The following FAM237B variants were observed in gnomAD, a reference collection of about 807,000 sequenced individuals.
The protein encoded by FAM237B is family with sequence similarity 237 member B.
intron 2 of FAM237B, 71 bp from the exon 3 acceptor site, chr7:90,319,822 A>G (rs1242568170): frequency 2.5e-6 from 1 of 397,630 alleles, no homozygotes; most frequent in Non-Finnish European, 4.4e-6. Context: ...GATCTAAAAA[A>G]CTGTAAGTAC....
At chr7:90,320,094 G>A (rs1165513221) in intron 2 of FAM237B, among the ~76,000 whole-genome samples, 1 of 152,114 alleles carries the variant, frequency 6.6e-6, no homozygotes, top group East Asian at 1.9e-4. Flanking sequence ...ATACGGTTCC[G>A]CAAGTCTTCA....
Position 90,319,387 on chromosome 7 carries a change from T to A in FAM237B, c.362A>T (p.Lys121Ile). Residue 121 changes from lysine (K) to isoleucine (I), a missense_variant, in exon 3 of 3, where the codon AAA (lysine) becomes ATA (isoleucine). By Grantham distance (102) the Lys-to-Ile change is moderately radical. Transcript: ENST00000692316. Reference protein sequence around the residue: ...GMGRRQVMPPKYNFPQKITGG... With the variant: ...GMGRRQVMPPIYNFPQKITGG... ...TGTTATTTTCTGTGGAAAATTATAT[T>A]TGGGGGGCATCACCTGTCTTCTGCC... 1 of 398,592 alleles carries A rather than the reference T, an allele frequency of 2.5e-6. No homozygotes were observed. The highest frequency in any genetic ancestry group is 4.4e-6 in the Non-Finnish European group (1 of 226,038). 24.7% of individuals were successfully genotyped at this position (398,592 alleles called of 1,614,324 possible).
At position 90,320,693 on chromosome 7, in the gene FAM237B, A is replaced by C. The variant is rs180940777; in HGVS notation, c.-16T>G. ...ACACAGGACTCACCTTTCCCCCCGT[A>C]CACAGCCGTCTGCCACCTCCCTAAA... On this transcript the variant is annotated 5_prime_UTR_variant, in exon 2 of 3. Coordinates refer to ENST00000692316, the MANE Select transcript of FAM237B (RefSeq NM_001384237.2). 1 of 152,488 alleles carries C rather than the reference A, an allele frequency of 6.6e-6. No homozygotes were observed. The highest frequency in any genetic ancestry group is 1.9e-4 in the East Asian group (1 of 5,186). The allele number at this position is 152,488 out of a possible 1,614,324, so 9.4% of individuals were successfully genotyped here.
In FAM237B at chr7:90,318,303, C is replaced by T. The variant is rs565040105; in HGVS notation, c.*1026G>A. On this transcript the variant is annotated 3_prime_UTR_variant, in exon 3 of 3. Coordinates refer to ENST00000692316, the MANE Select transcript of FAM237B (RefSeq NM_001384237.2). ...GCAATATAAAAAATAACTCAGCTAA[C>T]ACAAAAATTCTATCAAATTGTACTT... The T allele has an allele frequency of 1.4e-3, 218 of 151,488 alleles. No homozygotes were observed. Among genetic ancestry groups the T allele is most frequent in the African/African-American group, 5.0e-3 (207 of 41,274 alleles). The allele number at this position is 151,488 out of a possible 1,614,324, so 9.4% of individuals were successfully genotyped here. A position where few individuals can be genotyped will look rare whatever the true frequency, so the allele number is the denominator to read the frequency against.
Position 90,318,297 on chromosome 7 carries a change from A to G in FAM237B, c.*1032T>C, listed in dbSNP as rs769003192. 2.6e-5 allele frequency: 4 copies of G among 152,112 alleles called. No individual in the cohort carries two copies. Among genetic ancestry groups the G allele is most frequent in the Admixed American group, 2.6e-4 (4 of 15,276 alleles). The allele number at this position is 152,112 out of a possible 1,614,324, so 9.4% of individuals were successfully genotyped here. On this transcript the variant is annotated 3_prime_UTR_variant, in exon 3 of 3. Transcript: ENST00000692316. ...AAATAGGCAATATAAAAAATAACTC[A>G]GCTAACACAAAAATTCTATCAAATT... is the stretch of plus-strand genomic sequence containing the variant.
At position 90,319,249 on chromosome 7, in the gene FAM237B, AT is replaced by A; in HGVS notation, c.*79del. ...ATCATTTTAGGGAAAAAAACTAAAT[AT>A]GGTAAATTTGCTACCTTGTTGGATA... On this transcript the variant is annotated 3_prime_UTR_variant, in exon 3 of 3. Coordinates refer to ENST00000692316, the MANE Select transcript of FAM237B (RefSeq NM_001384237.2). 5.0e-6 allele frequency: 2 copies of A among 397,612 alleles called. No homozygotes were observed. Among genetic ancestry groups the A allele is most frequent in the Non-Finnish European group, 8.9e-6 (2 of 225,738 alleles). The allele number at this position is 397,612 out of a possible 1,614,324, so 24.6% of individuals were successfully genotyped here.
Position 90,319,455 on chromosome 7 carries a change from C to T in FAM237B, c.294G>A (p.Trp98Ter). The change falls in exon 3 of 3, where the codon TGG (tryptophan) becomes TGA (stop). Residue 98 changes from tryptophan to a stop codon, truncating the protein, a stop_gained. Coordinates refer to ENST00000692316, the MANE Select transcript of FAM237B (RefSeq NM_001384237.2). LOFTEE classifies it high-confidence loss of function. ...AAAGCAAGCAGTCTACATACATGTC[C>T]CAGAAATCCTGAGCTATGTTTAAGA... ...NVFLNIAQDF[W>*]DMYVDCLLSR... is the part of the protein sequence containing the mutation. 2.5e-6 allele frequency: 1 copy of T among 398,554 alleles called. No homozygotes were observed. The highest frequency in any genetic ancestry group is 4.4e-6 in the Non-Finnish European group (1 of 226,050). 24.7% of individuals were successfully genotyped at this position (398,554 alleles called of 1,614,324 possible).
rs17865072 is a variant in FAM237B, at chr7:90,318,104, T to A, written c.*1225A>T. The A allele has an allele frequency of 6.6e-6, 1 of 152,200 alleles. No homozygotes were observed. The highest frequency in any genetic ancestry group is 1.9e-4 in the East Asian group (1 of 5,194). The allele number at this position is 152,200 out of a possible 1,614,324, so 9.4% of individuals were successfully genotyped here. ...GGCACCCTTTATCAAAGGTATAGGC[T>A]TTTACGACATGCATTCAAAAAGTAT... On this transcript the variant is annotated 3_prime_UTR_variant, in exon 3 of 3. Coordinates refer to ENST00000692316, the MANE Select transcript of FAM237B (RefSeq NM_001384237.2).
intron 2 of FAM237B, chr7:90,320,391 T>A (rs373659080): frequency 6.6e-6 from 1 of 152,350 alleles, no homozygotes; most frequent in African/African-American, 2.4e-5. Flanking sequence ...TAGACATACA[T>A]GAAGTGGCAC....
In FAM237B at chr7:90,319,063, A is replaced by G. The variant is rs1224417939; in HGVS notation, c.*266T>C. 7.6e-6 allele frequency: 2 copies of G among 261,710 alleles called. No homozygotes were observed. Among genetic ancestry groups the G allele is most frequent in the African/African-American group, 4.4e-5 (2 of 45,686 alleles). The allele number at this position is 261,710 out of a possible 1,614,324, so 16.2% of individuals were successfully genotyped here. ...TTCAACAAATGTAATATGAATAATTACAGGGTTAAATGGCTTTCTTATGAA... is the reference window on the plus strand; with the variant it reads ...TTCAACAAATGTAATATGAATAATTGCAGGGTTAAATGGCTTTCTTATGAA... On this transcript the variant is annotated 3_prime_UTR_variant, in exon 3 of 3. Coordinates refer to ENST00000692316, the MANE Select transcript of FAM237B (RefSeq NM_001384237.2).
chr7:90,319,200 G>A lies in FAM237B; in HGVS notation c.*129C>T, dbSNP rs1795086528. 5.1e-6 allele frequency: 2 copies of A among 389,654 alleles called. No homozygotes were observed. Among genetic ancestry groups the A allele is most frequent in the African/African-American group, 2.1e-5 (1 of 48,346 alleles). The allele number at this position is 389,654 out of a possible 1,614,324, so 24.1% of individuals were successfully genotyped here. ...GTGTGGTTTGTAAATAATGTAAAAT[G>A]AGTAAAAATGAGAATCAAAACCTAT... On this transcript the variant is annotated 3_prime_UTR_variant, in exon 3 of 3. Transcript: ENST00000692316.
chr7:90,319,599 T>C lies in FAM237B; in HGVS notation c.150A>G (p.Lys50=), dbSNP rs1231402094. ...ITKDIDLQCW[K]ACSLTLIDLK... ...GATCTATCAATGTCAAAGAGCAAGC[T>C]TTCCAGCACTGGAGATCAATGTCTT... The change falls in exon 3 of 3, where the codon AAA becomes AAG. Residue 50 remains lysine (K), a synonymous_variant. Coordinates refer to ENST00000692316, the MANE Select transcript of FAM237B (RefSeq NM_001384237.2). 2.5e-6 allele frequency: 1 copy of C among 398,498 alleles called. No individual in the cohort carries two copies. The highest frequency in any genetic ancestry group is 2.1e-5 in the African/African-American group (1 of 48,638). 24.7% of individuals were successfully genotyped at this position (398,498 alleles called of 1,614,324 possible). A position where few individuals can be genotyped will look rare whatever the true frequency, so the allele number is the denominator to read the frequency against.
At chr7:90,320,181 T>C (rs556351259) in intron 2 of FAM237B, among the ~76,000 whole-genome samples, 21 of 152,356 alleles carry the variant, frequency 1.4e-4, no homozygotes, top group Admixed American at 5.2e-4. Flanking sequence ...CAGTCCTTTC[T>C]ACATGTAACA....
chr7:90,319,605 GCACT>G lies in FAM237B; in HGVS notation c.140_143del (p.Gln47ProfsTer7). On this transcript the variant is annotated frameshift_variant, in exon 3 of 3. Transcript: ENST00000692316. LOFTEE classifies it high-confidence loss of function. The stretch of plus-strand genomic sequence containing the variant: ...TCAATGTCAAAGAGCAAGCTTTCCA[GCACT>G]GGAGATCAATGTCTTTGGTGATTCC... 2.5e-6 allele frequency: 1 copy of G among 398,592 alleles called. No individual in the cohort carries two copies. 24.7% of individuals were successfully genotyped at this position (398,592 alleles called of 1,614,324 possible). A position where few individuals can be genotyped will look rare whatever the true frequency, so the allele number is the denominator to read the frequency against.
At position 90,319,347 on chromosome 7, in the gene FAM237B, AT is replaced by A. The variant is rs1795103564; in HGVS notation, c.401del (p.Asn134MetfsTer4). 2.5e-6 allele frequency: 1 copy of A among 398,584 alleles called. No individual in the cohort carries two copies. The highest frequency in any genetic ancestry group is 4.4e-6 in the Non-Finnish European group (1 of 226,034). The allele number at this position is 398,584 out of a possible 1,614,324, so 24.7% of individuals were successfully genotyped here. On this transcript the variant is annotated frameshift_variant, in exon 3 of 3. Transcript: ENST00000692316. LOFTEE classifies it high-confidence loss of function. ...FPQKITGGNL[N>X]VYLRE ...TAAACTGCTATTCTCTTAAATACACATTTAAATTACCTCCTGTTATTTTCTG... is the reference window on the plus strand; with the variant it reads ...TAAACTGCTATTCTCTTAAATACACATTAAATTACCTCCTGTTATTTTCTG...
chr7:90,318,751 A>C lies in FAM237B; in HGVS notation c.*578T>G, dbSNP rs1374201763. The stretch of plus-strand genomic sequence containing the variant: ...AATTCAATAGCAATAAAGCAATTAC[A>C]ACAAAAAACAACGTTTATCAGTATT... On this transcript the variant is annotated 3_prime_UTR_variant, in exon 3 of 3. Coordinates refer to ENST00000692316, the MANE Select transcript of FAM237B (RefSeq NM_001384237.2). 1.3e-5 allele frequency: 2 copies of C among 152,132 alleles called. No homozygotes were observed. Among genetic ancestry groups the C allele is most frequent in the Non-Finnish European group, 2.9e-5 (2 of 67,950 alleles). The allele number at this position is 152,132 out of a possible 1,614,324, so 9.4% of individuals were successfully genotyped here. A position where few individuals can be genotyped will look rare whatever the true frequency, so the allele number is the denominator to read the frequency against.
rs550695022 is a variant in FAM237B, at chr7:90,319,322, T to C, written c.*7A>G. The C allele has an allele frequency of 2.5e-6, 1 of 398,556 alleles. No homozygotes were observed. Among genetic ancestry groups the C allele is most frequent in the South Asian group, 1.3e-4 (1 of 7,852 alleles). 24.7% of individuals were successfully genotyped at this position (398,556 alleles called of 1,614,324 possible). A position where few individuals can be genotyped will look rare whatever the true frequency, so the allele number is the denominator to read the frequency against. ...TTAAATAGTGACTTTTAAAGAAAAG[T>C]AAACTGCTATTCTCTTAAATACACA... On this transcript the variant is annotated 3_prime_UTR_variant, in exon 3 of 3. Coordinates refer to ENST00000692316, the MANE Select transcript of FAM237B (RefSeq NM_001384237.2).
chr7:90,319,485 A>C lies in FAM237B; in HGVS notation c.264T>G (p.Asn88Lys), dbSNP rs957506691. 2.0e-5 allele frequency: 8 copies of C among 398,518 alleles called. No homozygotes were observed. The highest frequency in any genetic ancestry group is 1.6e-4 in the African/African-American group (8 of 48,648). The allele number at this position is 398,518 out of a possible 1,614,324, so 24.7% of individuals were successfully genotyped here. A position where few individuals can be genotyped will look rare whatever the true frequency, so the allele number is the denominator to read the frequency against. ...AATCCTGAGCTATGTTTAAGAAGAC[A>C]TTATAATGTCCAGGCCGCTGAGATT... ...LQKSQRPGHY[N>K]VFLNIAQDFW... Residue 88 changes from asparagine to lysine, a missense_variant, in exon 3 of 3, where the codon AAT becomes AAG. Coordinates refer to ENST00000692316, the MANE Select transcript of FAM237B (RefSeq NM_001384237.2).
Position 90,319,294 on chromosome 7 carries a change from GAATTA to G in FAM237B, c.*30_*34del. The G allele has an allele frequency of 2.5e-6, 1 of 397,980 alleles. No individual in the cohort carries two copies. The highest frequency in any genetic ancestry group is 4.4e-6 in the Non-Finnish European group (1 of 225,720). 24.7% of individuals were successfully genotyped at this position (397,980 alleles called of 1,614,324 possible). ...TTGGATAACTTGAAAAAAATCAGAA[GAATTA>G]AATAGTGACTTTTAAAGAAAAGTAA... On this transcript the variant is annotated 3_prime_UTR_variant, in exon 3 of 3. Coordinates refer to ENST00000692316, the MANE Select transcript of FAM237B (RefSeq NM_001384237.2).
Sources: allele counts gnomAD v4.1 joint callset (sites outside exome capture counted in the v4.1 genomes callset), GRCh38; gene constraint gnomAD v4.1.1; transcripts MANE v1.5; gene names NCBI Gene and HGNC (gene_info 2026-07-23, HGNC 2026-07-21).